Variants in RARB observed in about 807,000 individuals in gnomAD.
RARB encodes the protein retinoic acid receptor beta.
A neutral mutation model predicts 51.9 loss-of-function variants in RARB; 17 were observed. The observed-to-expected ratio is 0.33, with a 90% CI of 0.22 to 0.49. RARB has a LOEUF of 0.49. RARB is among the 20% of genes least tolerant of loss of function. The pLI is 0.99. For synonymous variants in RARB, 215 were observed against 195.4 expected (o/e 1.10, Z -0.84); for missense variants, 369 against 550.8 (o/e 0.67, Z 3.30).
chr3:24,946,246 A>G (rs1266996794), intron 2 of RARB, among the ~76,000 whole-genome samples: 2 of 137,306 alleles, frequency 1.5e-5, no homozygotes, highest in Non-Finnish European at 3.1e-5. Context: ...CCTGGGGGAC[A>G]AAATGAGACT....
intron 5 of RARB, among the ~76,000 whole-genome samples, chr3:25,242,185 C>G (rs539763872): frequency 6.6e-6 from 1 of 152,046 alleles, no homozygotes; most frequent in African/African-American, 2.4e-5. Context: ...GTTTAAGTTC[C>G]TTGTAGATTC....
At chr3:25,349,738 A>G (rs1055086689) in intron 5 of RARB, among the ~76,000 whole-genome samples, 2 of 152,202 alleles carry the variant, frequency 1.3e-5, no homozygotes, top group African/African-American at 4.8e-5. Flanking sequence ...TGAAATTGAA[A>G]GTCATTTTTT....
intron 1 of RARB, among the ~76,000 whole-genome samples, chr3:25,451,509 G>T (rs1709194107): frequency 6.6e-6 from 1 of 152,176 alleles, no homozygotes; most frequent in Admixed American, 6.5e-5. Flanking sequence ...CTGTTCATAT[G>T]GTGCATACCT....
chr3:25,029,413 A>G (rs1320119058), intron 2 of RARB, among the ~76,000 whole-genome samples: 2 of 152,220 alleles, frequency 1.3e-5, no homozygotes, highest in Non-Finnish European at 2.9e-5. Context: ...AATTGAGTGA[A>G]TTGGTCTTGA....
chr3:25,345,027 A>G (rs1407434078), intron 5 of RARB, among the ~76,000 whole-genome samples: 1 of 152,204 alleles, frequency 6.6e-6, no homozygotes, highest in Non-Finnish European at 1.5e-5. Flanking sequence ...TTTACAAACA[A>G]AGACTGTCTT....
chr3:25,327,771 A>C (rs1325807527), intron 5 of RARB, among the ~76,000 whole-genome samples: 1 of 152,242 alleles, frequency 6.6e-6, no homozygotes, highest in African/African-American at 2.4e-5. Context: ...TGGCTCTAGA[A>C]AGAAACAAGC....
intron 5 of RARB, among the ~76,000 whole-genome samples, chr3:25,592,512 C>T (rs1430095567): frequency 6.6e-6 from 1 of 152,164 alleles, no homozygotes; most frequent in East Asian, 1.9e-4. Flanking sequence ...GAGCTCCTTA[C>T]CAGCATTTAG....
intron 5 of RARB, among the ~76,000 whole-genome samples, chr3:25,244,245 C>T: frequency 6.7e-6 from 1 of 149,688 alleles, no homozygotes; most frequent in Non-Finnish European, 1.5e-5. Flanking sequence ...TTTAATCTTT[C>T]CAATAAACCA....
At chr3:24,866,011 A>G (rs114660818) in intron 2 of RARB, among the ~76,000 whole-genome samples, 4,336 of 152,238 alleles carry the variant, frequency 0.028, 100 homozygotes, top group Middle Eastern at 0.061. Context: ...AGTACCACTT[A>G]ATCCACACCA....
chr3:25,270,253 A>G (rs1356440111), intron 5 of RARB, among the ~76,000 whole-genome samples: 1 of 152,228 alleles, frequency 6.6e-6, no homozygotes, highest in African/African-American at 2.4e-5. Flanking sequence ...GTGCATGAAT[A>G]GATAAGCCAA....
chr3:24,881,841 A>G (rs1248711395), intron 2 of RARB, among the ~76,000 whole-genome samples: 3 of 152,144 alleles, frequency 2.0e-5, no homozygotes, highest in African/African-American at 7.2e-5. Context: ...TCATTTTTTG[A>G]ACTGTTTGAT....
At chr3:24,854,150 A>C (rs749755349) in intron 1 of RARB, among the ~76,000 whole-genome samples, 1 of 152,190 alleles carries the variant, frequency 6.6e-6, no homozygotes, top group Non-Finnish European at 1.5e-5. Flanking sequence ...TACTGTGGGG[A>C]TGTAATTTGA....
chr3:25,159,979 T>C (rs1344965516), intron 4 of RARB, among the ~76,000 whole-genome samples: 1 of 152,192 alleles, frequency 6.6e-6, no homozygotes, highest in Non-Finnish European at 1.5e-5. Context: ...AACCACAGGC[T>C]AATTAAGACA....
At chr3:25,177,848 A>G (rs140135293) in intron 5 of RARB, among the ~76,000 whole-genome samples, 3 of 152,272 alleles carry the variant, frequency 2.0e-5, no homozygotes, top group East Asian at 3.9e-4. Context: ...TCTATCAACT[A>G]TAAAATATTT....
chr3:25,478,742 A>G (rs968001956), intron 2 of RARB, among the ~76,000 whole-genome samples: 1 of 152,252 alleles, frequency 6.6e-6, no homozygotes, highest in African/African-American at 2.4e-5. Flanking sequence ...TTATGGAAAC[A>G]GACCGCAAGC....
chr3:25,161,288 TCTC>T (rs1700469535), intron 4 of RARB, among the ~76,000 whole-genome samples: 1 of 151,838 alleles, frequency 6.6e-6, no homozygotes, highest in African/African-American at 2.4e-5. Context: ...CCTCAAGTGA[TCTC>T]CTGCCTCAGC....
chr3:25,574,144 C>G (rs957956403), intron 4 of RARB, among the ~76,000 whole-genome samples: 1 of 152,202 alleles, frequency 6.6e-6, no homozygotes, highest in African/African-American at 2.4e-5. Context: ...GTAACATCCT[C>G]GCTCTGAGGA....
intron 5 of RARB, among the ~76,000 whole-genome samples, chr3:25,250,240 T>A (rs1205902136): frequency 6.6e-6 from 1 of 152,062 alleles, no homozygotes; most frequent in African/African-American, 2.4e-5. Flanking sequence ...GGCAGGGTGA[T>A]CCCCAGGCAT....
At chr3:25,245,706 C>G (rs894911143) in intron 5 of RARB, among the ~76,000 whole-genome samples, 2 of 152,178 alleles carry the variant, frequency 1.3e-5, no homozygotes, top group African/African-American at 4.8e-5. Context: ...TTGTGGGTAA[C>G]CTGACCTTTC....
Sources: gnomAD v4.1 joint callset for allele counts (sites outside exome capture counted in the v4.1 genomes callset) on GRCh38, gnomAD v4.1.1 for gene constraint, MANE v1.5 for transcripts, NCBI Gene and HGNC (gene_info 2026-07-23, HGNC 2026-07-21) for gene names.